Variants in PCDH17 observed in about 807,000 individuals in gnomAD.
PCDH17 encodes the protein protocadherin 17, also known as protocadherin-17.
A neutral mutation model predicts 67.7 loss-of-function variants in PCDH17; 21 were observed. That is an observed-to-expected ratio of 0.31 (90% CI 0.22 to 0.45). The LOEUF (loss-of-function observed/expected upper bound fraction) is 0.45. PCDH17 is among the 20% of genes least tolerant of loss of function. The pLI is 1.00. For synonymous variants in PCDH17, 701 were observed against 656.7 expected, an observed-to-expected ratio of 1.07 and a Z score of -1.03; for missense variants, 1,471 against 1,564.8, an observed-to-expected ratio of 0.94 and a Z score of 1.01.
intron 3 of PCDH17, among the ~76,000 whole-genome samples, chr13:57,711,175 A>G (rs1392429137): frequency 1.3e-5 from 2 of 151,952 alleles, no homozygotes; most frequent in African/African-American, 4.8e-5. Flanking sequence ...ATTTTTATAC[A>G]TTATTTCATG....
At chr13:57,707,656 A>G (rs1955733504) in intron 3 of PCDH17, among the ~76,000 whole-genome samples, 1 of 152,046 alleles carries the variant, frequency 6.6e-6, no homozygotes, top group South Asian at 2.1e-4. Context: ...GTGGCTAAAA[A>G]TGACAGAAAT....
At chr13:57,645,086 T>C (rs1010856163) in intron 1 of PCDH17, among the ~76,000 whole-genome samples, 5 of 151,666 alleles carry the variant, frequency 3.3e-5, no homozygotes, top group Non-Finnish European at 7.4e-5. Context: ...CATTCATTTC[T>C]TTTTGTAGTT....
intron 3 of PCDH17, among the ~76,000 whole-genome samples, chr13:57,719,756 T>C (rs936478247): frequency 3.3e-5 from 5 of 152,058 alleles, no homozygotes; most frequent in Admixed American, 6.6e-5. Context: ...TTTGGCTGGT[T>C]GCTAGGCATA....
At chr13:57,637,563 A>G (rs547572217) in intron 1 of PCDH17, among the ~76,000 whole-genome samples, 1 of 152,086 alleles carries the variant, frequency 6.6e-6, no homozygotes, top group African/African-American at 2.4e-5. Context: ...GTAATACAGC[A>G]TCCTAAGGAA....
intron 3 of PCDH17, among the ~76,000 whole-genome samples, chr13:57,694,706 T>C (rs1955590314): frequency 6.6e-6 from 1 of 151,222 alleles, no homozygotes; most frequent in South Asian, 2.1e-4. Flanking sequence ...ATTTTATTAT[T>C]AAAAAATTTT....
upstream of PCDH17, among the ~76,000 whole-genome samples, chr13:57,630,121 C>G (rs1196720446): frequency 6.6e-6 from 1 of 152,186 alleles, no homozygotes; most frequent in Non-Finnish European, 1.5e-5. Flanking sequence ...CAGCAAGAGA[C>G]GCTGGGGAGA....
In PCDH17 at chr13:57,701,720, A is replaced by T. The variant is rs116844135; in HGVS notation, c.2798-22892A>T. Among the ~76,000 whole-genome samples the T allele has an allele frequency of 5.9e-3, 901 of 152,250 alleles. 9 individuals carry two copies. The highest frequency in any genetic ancestry group is 9.1e-3 in the Non-Finnish European group (617 of 68,022). Reference sequence around the variant, plus strand: ...GTGATAGGTGACCAGTGGTTCTAAAATTCTGATTCTATTTATTACAGAAAT... The same window carrying T: ...GTGATAGGTGACCAGTGGTTCTAAATTTCTGATTCTATTTATTACAGAAAT... On this transcript the variant is annotated intron_variant, in intron 3 of 3. Transcript: ENST00000377918.
chr13:57,641,576 AAAAAAAAAAAAATATATATATATATATAT>A (rs1954899583), intron 1 of PCDH17, among the ~76,000 whole-genome samples: 2 of 81,598 alleles, frequency 2.5e-5, no homozygotes, highest in Admixed American at 2.9e-4. Context: ...AAAAAAAAAA[AAAAAAAAAAAAATATATATATATATATAT>A]ATATATATAT....
chr13:57,658,917 TTAC>T (rs773821756), intron 1 of PCDH17, among the ~76,000 whole-genome samples: 2 of 152,098 alleles, frequency 1.3e-5, no homozygotes, highest in African/African-American at 2.4e-5. Context: ...TCTACTAAAA[TTAC>T]AAAAGAATGC....
chr13:57,680,881 C>T (rs1294448548), intron 3 of PCDH17, among the ~76,000 whole-genome samples: 1 of 151,696 alleles, frequency 6.6e-6, no homozygotes, highest in East Asian at 1.9e-4. Context: ...AGAGCTGATA[C>T]TTCTATGTTA....
intron 3 of PCDH17, among the ~76,000 whole-genome samples, chr13:57,679,616 T>C (rs1955429102): frequency 6.6e-6 from 1 of 151,568 alleles, no homozygotes; most frequent in Admixed American, 6.6e-5. Context: ...AGATTTTATT[T>C]TCTTTGAGGA....
intron 3 of PCDH17, among the ~76,000 whole-genome samples, chr13:57,722,910 A>G (rs1566249215): frequency 1.3e-5 from 2 of 152,136 alleles, no homozygotes; most frequent in Non-Finnish European, 2.9e-5. Context: ...TACCTGGCCA[A>G]TATTGAACTT....
At chr13:57,717,704 A>G (rs1955832330) in intron 3 of PCDH17, among the ~76,000 whole-genome samples, 1 of 151,980 alleles carries the variant, frequency 6.6e-6, no homozygotes, top group Admixed American at 6.6e-5. Flanking sequence ...CCGTGGTTTG[A>G]CTATTTGATA....
chr13:57,723,990 C>T (rs765794496), intron 3 of PCDH17, among the ~76,000 whole-genome samples: 2 of 152,242 alleles, frequency 1.3e-5, no homozygotes, highest in South Asian at 2.1e-4. Context: ...ATGATCCATA[C>T]GCCTATCTAA....
At chr13:57,680,271 A>C (rs961105348) in intron 3 of PCDH17, among the ~76,000 whole-genome samples, 3 of 151,602 alleles carry the variant, frequency 2.0e-5, no homozygotes, top group Non-Finnish European at 3.0e-5. Context: ...CTATCAGATG[A>C]AAATATAAAA....
chr13:57,694,277 A>G (rs1955586473), intron 3 of PCDH17, among the ~76,000 whole-genome samples: 1 of 151,270 alleles, frequency 6.6e-6, no homozygotes, highest in African/African-American at 2.4e-5. Flanking sequence ...TTGGAGCACA[A>G]TAAAATTGCT....
At chr13:57,712,754 T>C (rs1422135007) in intron 3 of PCDH17, among the ~76,000 whole-genome samples, 1 of 151,694 alleles carries the variant, frequency 6.6e-6, no homozygotes, top group Middle Eastern at 3.2e-3. Flanking sequence ...TTAGTTCTTC[T>C]GTTATATTAA....
At chr13:57,721,043 T>G (rs1348670529) in intron 3 of PCDH17, among the ~76,000 whole-genome samples, 1 of 152,112 alleles carries the variant, frequency 6.6e-6, no homozygotes, top group Non-Finnish European at 1.5e-5. Flanking sequence ...TAATAGTTTA[T>G]AACTGTAAAC....
At chr13:57,687,717 C>A (rs1955521120) in intron 3 of PCDH17, among the ~76,000 whole-genome samples, 1 of 151,820 alleles carries the variant, frequency 6.6e-6, no homozygotes, top group Non-Finnish European at 1.5e-5. Flanking sequence ...AACTATTAAA[C>A]CCCCAATTTG....
Sources: gnomAD v4.1 joint callset for allele counts (sites outside exome capture counted in the v4.1 genomes callset) on GRCh38, gnomAD v4.1.1 for gene constraint, MANE v1.5 for transcripts, NCBI Gene and HGNC (gene_info 2026-07-23, HGNC 2026-07-21) for gene names.